The following NTN4 variants were observed in gnomAD, a reference collection of about 807,000 sequenced individuals.
NTN4 encodes netrin-4.
NTN4 carries 32 observed loss-of-function variants against 73.6 expected under a neutral mutation model. The ratio of observed to expected loss-of-function variants is 0.44; its 90% CI spans 0.33 to 0.58. The LOEUF (loss-of-function observed/expected upper bound fraction) is 0.58. Ranked by LOEUF, NTN4 falls within the 20% of genes least tolerant of loss-of-function variation. NTN4 has a pLI of 0.04. For synonymous variants in NTN4, 258 were observed against 287.5 expected (o/e 0.90, Z 1.04); for missense variants, 654 against 798.3 (o/e 0.82, Z 2.18).
chr12:95,790,630 G>A lies in NTN4; in HGVS notation c.-321C>T, dbSNP rs2079202744. 1 of 203,370 alleles carries A rather than the reference G, an allele frequency of 4.9e-6. No individual in the cohort carries two copies. The highest frequency in any genetic ancestry group is 9.9e-6 in the Non-Finnish European group (1 of 101,500). The allele number at this position is 203,370 out of a possible 1,614,324, so 12.6% of individuals were successfully genotyped here. The stretch of plus-strand genomic sequence containing the variant: ...GCGGGCTCGTCTGCCGCTAGCCCGG[G>A]GCTCGGCGCCCGCAGCCGCCGCTGA... On this transcript the variant is annotated 5_prime_UTR_variant, in exon 1 of 10. Coordinates refer to ENST00000343702, the MANE Select transcript of NTN4 (RefSeq NM_021229.4). The surrounding 1 kb of genome is among the most constrained non-coding windows in gnomAD (Gnocchi z 6.5).
chr12:95,661,095 C>T (rs1248384667), intron 9 of NTN4, among the ~76,000 whole-genome samples: 2 of 151,544 alleles, frequency 1.3e-5, no homozygotes, highest in Non-Finnish European at 2.9e-5. Context: ...TATGAAAACA[C>T]ATTAAATCCA....
chr12:95,674,680 A>G lies in NTN4; in HGVS notation c.1511-4534T>C, dbSNP rs877312. Among the ~76,000 whole-genome samples, 396 of 152,306 alleles carry G rather than the reference A, an allele frequency of 2.6e-3. 3 individuals carry two copies. Among genetic ancestry groups the G allele is most frequent in the African/African-American group, 9.2e-3 (381 of 41,570 alleles). On this transcript the variant is annotated intron_variant, in intron 7 of 9. Coordinates refer to ENST00000343702, the MANE Select transcript of NTN4 (RefSeq NM_021229.4). ...TTGAAAGCTGTTTTTATGGAAACTTATGGGAGGTATATAGGTAGGTAGATT... is the reference window on the plus strand; with the variant it reads ...TTGAAAGCTGTTTTTATGGAAACTTGTGGGAGGTATATAGGTAGGTAGATT...
chr12:95,769,483 CA>C (rs1371896568), intron 2 of NTN4, among the ~76,000 whole-genome samples: 1 of 149,818 alleles, frequency 6.7e-6, no homozygotes, highest in Non-Finnish European at 1.5e-5. Context: ...GCGAGTTGGG[CA>C]GCCCCCGGAA....
intron 3 of NTN4, among the ~76,000 whole-genome samples, chr12:95,723,469 A>T (rs1415188797): frequency 6.6e-6 from 1 of 152,158 alleles, no homozygotes; most frequent in African/African-American, 2.4e-5. Flanking sequence ...GCAATTGATC[A>T]TTGCCCTTCA....
chr12:95,749,076 T>C (rs559222340), intron 2 of NTN4, among the ~76,000 whole-genome samples: 4 of 152,308 alleles, frequency 2.6e-5, no homozygotes, highest in East Asian at 1.9e-4. Flanking sequence ...ACTGAGCACC[T>C]TGTGACCCCT....
At chr12:95,662,417 G>C (rs192712123) in intron 9 of NTN4, among the ~76,000 whole-genome samples, 1 of 152,004 alleles carries the variant, frequency 6.6e-6, no homozygotes, top group African/African-American at 2.4e-5. Flanking sequence ...TTCTGTTAGA[G>C]ATGGGGTTTC....
chr12:95,667,626 A>G (rs1412854888), intron 8 of NTN4, among the ~76,000 whole-genome samples: 2 of 152,100 alleles, frequency 1.3e-5, no homozygotes, highest in African/African-American at 4.8e-5. Flanking sequence ...AGGCTGAGGT[A>G]GGCGGATCAC....
chr12:95,729,665 G>GTA (rs1592690172), intron 3 of NTN4, among the ~76,000 whole-genome samples: 1 of 147,870 alleles, frequency 6.8e-6, no homozygotes, highest in East Asian at 1.9e-4. Flanking sequence ...GTGTGTGTGT[G>GTA]TGTGTGTGTA....
At chr12:95,771,631 T>C (rs1405234325) in intron 2 of NTN4, among the ~76,000 whole-genome samples, 2 of 152,060 alleles carry the variant, frequency 1.3e-5, no homozygotes, top group African/African-American at 4.8e-5. Context: ...CCAGGGGCAT[T>C]CCAAAAAATT....
Position 95,751,925 on chromosome 12 carries a change from A to C in NTN4, c.586-13781T>G, listed in dbSNP as rs572376615. Among the ~76,000 whole-genome samples the C allele has an allele frequency of 9.0e-4, 129 of 143,166 alleles. No homozygotes were observed. In the Middle Eastern group the frequency reaches 0.014, roughly 15 times the overall value. The allele number at this position is 143,166 out of a possible 152,430, so 93.9% of individuals were successfully genotyped here. A position where few individuals can be genotyped will look rare whatever the true frequency, so the allele number is the denominator to read the frequency against. ...CCTTTTTAGTTATCCCCACCTGCCCAGTTCCCTTATTAGGCTGACGCTTTA... is the reference window on the plus strand; with the variant it reads ...CCTTTTTAGTTATCCCCACCTGCCCCGTTCCCTTATTAGGCTGACGCTTTA... On this transcript the variant is annotated intron_variant, in intron 2 of 9. Coordinates refer to ENST00000343702, the MANE Select transcript of NTN4 (RefSeq NM_021229.4).
intron 6 of NTN4, 43 bp downstream of exon 6, chr12:95,683,455 C>T: frequency 6.4e-7 from 1 of 1,563,312 alleles, no homozygotes; most frequent in Non-Finnish European, 8.8e-7. Context: ...TTCAAAAGAG[C>T]CTGAAATACA....
At chr12:95,681,744 T>C (rs1479798963) in intron 7 of NTN4, among the ~76,000 whole-genome samples, 1 of 152,134 alleles carries the variant, frequency 6.6e-6, no homozygotes, top group Admixed American at 6.6e-5. Flanking sequence ...CATAGGGAAA[T>C]TGAGTCAGAG....
chr12:95,765,524 C>T (rs1415544271), intron 2 of NTN4, among the ~76,000 whole-genome samples: 5 of 152,184 alleles, frequency 3.3e-5, no homozygotes, highest in African/African-American at 1.2e-4. Context: ...TACTGGAAGT[C>T]CCTAACTTAC....
At chr12:95,704,281 C>G (rs2078507893) in intron 5 of NTN4, among the ~76,000 whole-genome samples, 1 of 152,080 alleles carries the variant, frequency 6.6e-6, no homozygotes, top group African/African-American at 2.4e-5. Context: ...TAACATTGTA[C>G]TTGTTGTTGA....
intron 2 of NTN4, among the ~76,000 whole-genome samples, chr12:95,754,820 A>T (rs1346222439): frequency 6.6e-6 from 1 of 152,104 alleles, no homozygotes; most frequent in Non-Finnish European, 1.5e-5. Flanking sequence ...GCCTGCACCC[A>T]GGTGAAATAA....
intron 1 of NTN4, among the ~76,000 whole-genome samples, chr12:95,788,099 T>C (rs757011204): frequency 2.0e-5 from 3 of 152,208 alleles, no homozygotes; most frequent in Non-Finnish European, 4.4e-5. Context: ...GAGGCAAAGC[T>C]AGAGACCTTT....
At chr12:95,659,297 T>C (rs1228645872) in intron 9 of NTN4, 75 bp from the exon 10 acceptor site, 7 of 1,172,336 alleles carry the variant, frequency 6.0e-6, no homozygotes, top group Non-Finnish European at 8.5e-6. Context: ...CAGCAGGTTT[T>C]CTTTTGCATT....
intron 3 of NTN4, among the ~76,000 whole-genome samples, chr12:95,722,125 T>C (rs1488212970): frequency 6.6e-6 from 1 of 151,956 alleles, no homozygotes; most frequent in African/African-American, 2.4e-5. Context: ...AAGTCAAGTT[T>C]TGTGGTTTAT....
intron 7 of NTN4, among the ~76,000 whole-genome samples, chr12:95,681,082 G>C (rs1424453827): frequency 6.6e-6 from 1 of 151,310 alleles, no homozygotes; most frequent in Middle Eastern, 3.4e-3. Context: ...ACAGCTATTT[G>C]GGAGGCTGAG....
Sources: allele counts gnomAD v4.1 joint callset (sites outside exome capture counted in the v4.1 genomes callset), GRCh38; gene constraint gnomAD v4.1.1; non-coding constraint Gnocchi (gnomAD v3.1); transcripts MANE v1.5; gene names NCBI Gene and HGNC (gene_info 2026-07-23, HGNC 2026-07-21).